Variants in TVP23A observed in about 807,000 individuals in gnomAD.
The protein encoded by TVP23A is trans-golgi network vesicle protein 23 homolog A.
A neutral mutation model predicts 31.7 loss-of-function variants in TVP23A; 21 were observed. That is an observed-to-expected ratio of 0.66 (90% CI 0.47 to 0.95). The LOEUF (loss-of-function observed/expected upper bound fraction) is 0.95. Ranked by LOEUF, TVP23A falls within the 40% of genes least tolerant of loss-of-function variation. The pLI is 0.00. For missense variants in TVP23A, 279 were observed against 255.6 expected, an observed-to-expected ratio of 1.09 and a Z score of -0.62; for synonymous variants, 104 against 96.0, an observed-to-expected ratio of 1.08 and a Z score of -0.49.
chr16:10,774,005 C>CGCTCTG lies in TVP23A; in HGVS notation c.324+28_324+33dup, dbSNP rs1567279040. 3.2e-6 allele frequency: 5 copies of CGCTCTG among 1,547,234 alleles called. No individual in the cohort carries two copies. In the South Asian group the frequency reaches 5.8e-5, roughly 18 times the overall value. On this transcript the variant is annotated intron_variant, in intron 4 of 7. Transcript: ENST00000299866. ...AGAAACTTTCCACACCCATTATCCC[C>CGCTCTG]GCTCTGGTTAGTTCAGCTCGTCATG...
At chr16:10,764,485 A>G (rs2466119), downstream of TVP23A, among the ~76,000 whole-genome samples, 469 of 120,684 alleles carry the variant, frequency 3.9e-3, 1 homozygote, top group Middle Eastern at 0.021. Context: ...ATGTCAGTCT[A>G]TTGGAGCATC....
Position 10,773,417 on chromosome 16 carries a change from T to C in TVP23A, c.349A>G (p.Thr117Ala), listed in dbSNP as rs202184104. 120 of 1,609,590 alleles carry C rather than the reference T, an allele frequency of 7.5e-5. No individual in the cohort carries two copies. Among genetic ancestry groups the C allele is most frequent in the Non-Finnish European group, 9.7e-5 (114 of 1,178,988 alleles). ...CAGAAGATTCGTGCTTCAGCTTCTG[T>C]GGCAGCAATGCTATTCGGAGAGACC... ...RKVSPNSIAA[T>A]EAEARIFWLG... Residue 117 changes from threonine (T) to alanine (A), a missense_variant, in exon 5 of 8, where the codon ACA (threonine) becomes GCA (alanine). By Grantham distance (58) the Thr-to-Ala change is moderately conservative. Coordinates refer to ENST00000299866, the MANE Select transcript of TVP23A (RefSeq NM_001079512.4).
chr16:10,766,375 G>A (rs185447106), downstream of TVP23A, among the ~76,000 whole-genome samples: 50 of 152,306 alleles, frequency 3.3e-4, 1 homozygote, highest in East Asian at 6.0e-3. This position sits in a 1 kb window ranked among gnomAD's most constrained non-coding sequence, Gnocchi z 4.8. Flanking sequence ...AATGCTGCCC[G>A]TTCTTGGAGA....
chr16:10,771,797 G>A lies in TVP23A; in HGVS notation c.455C>T (p.Ala152Val), dbSNP rs766343600. ...GAGAGAGATCCCAGCAACCACCAGAGCCTGCACTCAGACAAAGAAAGCAAA... is the reference window on the plus strand; with the variant it reads ...GAGAGAGATCCCAGCAACCACCAGAACCTGCACTCAGACAAAGAAAGCAAA... ...TLFSLKLKWLALVVAGISLQA... is the reference protein window; with the variant it reads ...TLFSLKLKWLVLVVAGISLQA... Residue 152 changes from alanine (A) to valine (V), a missense_variant and splice_region_variant, in exon 6 of 8, where the codon GCT (alanine) becomes GTT (valine). Ala to Val is a moderately conservative substitution (Grantham distance 64). Transcript: ENST00000299866. 2.5e-6 allele frequency: 4 copies of A among 1,570,226 alleles called. No homozygotes were observed. Among genetic ancestry groups the A allele is most frequent in the Non-Finnish European group, 3.5e-6 (4 of 1,157,206 alleles).
intron 2 of TVP23A, among the ~76,000 whole-genome samples, chr16:10,783,797 C>T (rs754066348): frequency 3.9e-5 from 6 of 152,138 alleles, no homozygotes; most frequent in Non-Finnish European, 8.8e-5. Flanking sequence ...CATAGAGGAA[C>T]CTTAAATGTG....
chr16:10,814,923 C>G (rs1010042274), intron 2 of TVP23A, among the ~76,000 whole-genome samples: 1 of 152,138 alleles, frequency 6.6e-6, no homozygotes, highest in African/African-American at 2.4e-5. Context: ...GCACCTGGGT[C>G]TTGAGCCACA....
In TVP23A at chr16:10,775,068, A is replaced by T; in HGVS notation, c.118T>A (p.Phe40Ile). 1 of 1,610,808 alleles carries T rather than the reference A, an allele frequency of 6.2e-7. No homozygotes were observed. The highest frequency in any genetic ancestry group is 8.5e-7 in the Non-Finnish European group (1 of 1,178,566). ...GTGACGATGGCACTCACTCGGAAAA[A>T]CAGGTGGAAAAAGGTGGCCAAGGGG... ...RHPLATFFHL[F>I]FRVSAIVTYV... The change falls in exon 3 of 8, where the codon TTT becomes ATT. Residue 40 changes from phenylalanine to isoleucine, a missense_variant. By Grantham distance (21) the Phe-to-Ile change is conservative (BLOSUM62 0). Coordinates refer to ENST00000299866, the MANE Select transcript of TVP23A (RefSeq NM_001079512.4).
In TVP23A at chr16:10,818,408, C is replaced by T. The variant is rs2034538325; in HGVS notation, c.9+77G>A. 3 of 1,566,148 alleles carry T rather than the reference C, an allele frequency of 1.9e-6. No homozygotes were observed. The highest frequency in any genetic ancestry group is 8.6e-7 in the Non-Finnish European group (1 of 1,158,616). ...AGGCCCCGGCGCATCCCTCCTCCTC[C>T]TCCCGGCTTCTCCAGCGCTCCCGCA... On this transcript the variant is annotated intron_variant, in intron 1 of 7. Coordinates refer to ENST00000299866, the MANE Select transcript of TVP23A (RefSeq NM_001079512.4). This position sits in a 1 kb window ranked among gnomAD's most constrained non-coding sequence, Gnocchi z 4.7.
intron 2 of TVP23A, among the ~76,000 whole-genome samples, chr16:10,796,500 T>C (rs1306343344): frequency 6.6e-6 from 1 of 152,186 alleles, no homozygotes; most frequent in Admixed American, 6.5e-5. Flanking sequence ...TGGCACGGTC[T>C]CAGCTCAAGG....
chr16:10,761,560 C>T (rs1014623556), exon 9 of TVP23A: 1 of 1,188,298 alleles, frequency 8.4e-7, no homozygotes. Context: ...CAAACTATTT[C>T]TGCTTTCCCT....
Position 10,767,901 on chromosome 16 carries a change from C to G in TVP23A, c.*1201G>C, listed in dbSNP as rs1273482261. The G allele has an allele frequency of 2.1e-5, 33 of 1,558,484 alleles. No homozygotes were observed. The highest frequency in any genetic ancestry group is 2.9e-5 in the Non-Finnish European group (33 of 1,129,772). On this transcript the variant is annotated 3_prime_UTR_variant, in exon 8 of 8. Transcript: ENST00000299866. The surrounding 1 kb of genome is among the most constrained non-coding windows in gnomAD (Gnocchi z 4.6). Reference sequence around the variant, plus strand: ...AGAGCCCCAAGATCTTGTGGCCATTCTGTTTTCCTCTTGGACTGAATTGTC... The same window carrying G: ...AGAGCCCCAAGATCTTGTGGCCATTGTGTTTTCCTCTTGGACTGAATTGTC...
chr16:10,792,115 A>G (rs1192536411), intron 2 of TVP23A, among the ~76,000 whole-genome samples: 1 of 152,108 alleles, frequency 6.6e-6, no homozygotes, highest in Non-Finnish European at 1.5e-5. Context: ...GCTGTGGTCC[A>G]CCTCCGGCTG....
chr16:10,757,908 G>T (rs2142727656), downstream of TVP23A: 5 of 1,614,092 alleles, frequency 3.1e-6, no homozygotes, highest in South Asian at 5.5e-5. The surrounding 1 kb of genome is among the most constrained non-coding windows in gnomAD (Gnocchi z 4.1). Flanking sequence ...TGTGGACTGG[G>T]GAGAGGTCGA....
At chr16:10,800,171 C>A (rs141510932) in intron 2 of TVP23A, 2 of 152,060 alleles carry the variant, frequency 1.3e-5, no homozygotes, top group South Asian at 2.1e-4. Flanking sequence ...GCCAAGCCTG[C>A]CTTGGCCTCC....
chr16:10,769,746 G>A lies in TVP23A; in HGVS notation c.*526C>T, dbSNP rs902211543. 1.6e-4 allele frequency among the ~76,000 whole-genome samples: 24 copies of A among 152,156 alleles called. No homozygotes were observed. The East Asian group carries it at 4.4e-3, about 28-fold the overall frequency. On this transcript the variant is annotated intron_variant, in intron 7 of 7. Coordinates refer to ENST00000299866, the MANE Select transcript of TVP23A (RefSeq NM_001079512.4). ...TAGTAATATGTGCACAGTATATCCAGTAATGTCCAGTGTCATGCAAACCAA... is the reference window on the plus strand; with the variant it reads ...TAGTAATATGTGCACAGTATATCCAATAATGTCCAGTGTCATGCAAACCAA...
At chr16:10,771,062 A>G (rs1219111304) in intron 6 of TVP23A, among the ~76,000 whole-genome samples, 4 of 152,074 alleles carry the variant, frequency 2.6e-5, no homozygotes, top group Non-Finnish European at 2.9e-5. Flanking sequence ...TGCTAGGGCT[A>G]GGAGGCGAGG....
At position 10,766,785 on chromosome 16, in the gene TVP23A, TTAAA is replaced by T. The variant is rs2030946579; in HGVS notation, c.*2313_*2316del. 2.5e-6 allele frequency: 1 copy of T among 397,182 alleles called. No individual in the cohort carries two copies. Among genetic ancestry groups the T allele is most frequent in the Non-Finnish European group, 4.4e-6 (1 of 225,698 alleles). 24.6% of individuals were successfully genotyped at this position (397,182 alleles called of 1,614,324 possible). A position where few individuals can be genotyped will look rare whatever the true frequency, so the allele number is the denominator to read the frequency against. On this transcript the variant is annotated 3_prime_UTR_variant, in exon 8 of 8. Coordinates refer to ENST00000299866, the MANE Select transcript of TVP23A (RefSeq NM_001079512.4). This position sits in a 1 kb window ranked among gnomAD's most constrained non-coding sequence, Gnocchi z 4.8. ...AGGCCCCATTACAGAGTTTTTGTGT[TTAAA>T]TACCCTCTACTTGAGGTACGCCCTA...
At chr16:10,776,744 G>A (rs745621032) in intron 2 of TVP23A, among the ~76,000 whole-genome samples, 4 of 152,346 alleles carry the variant, frequency 2.6e-5, no homozygotes, top group South Asian at 2.1e-4. Context: ...CCTAAGGGCT[G>A]CTGGTTGCCC....
intron 2 of TVP23A, among the ~76,000 whole-genome samples, chr16:10,776,348 C>T (rs1006377299): frequency 3.3e-5 from 5 of 151,772 alleles, no homozygotes; most frequent in East Asian, 1.9e-4. Flanking sequence ...GCACTGCAGC[C>T]TGGGTGAGAA....
Sources: allele counts gnomAD v4.1 joint callset (sites outside exome capture counted in the v4.1 genomes callset), GRCh38; gene constraint gnomAD v4.1.1; non-coding constraint Gnocchi (gnomAD v3.1); transcripts MANE v1.5; gene names NCBI Gene and HGNC (gene_info 2026-07-23, HGNC 2026-07-21).